Variants in JARID2 observed in about 807,000 individuals in gnomAD.
The protein encoded by JARID2 is protein Jumonji.
JARID2 carries 21 observed loss-of-function variants against 125.6 expected under a neutral mutation model. That is an observed-to-expected ratio of 0.17 (90% confidence interval 0.12 to 0.24). The LOEUF is 0.24. Among genes scored for constraint, JARID2 ranks in the 10% least tolerant of loss-of-function variants. The pLI is 1.00. For synonymous variants in JARID2, 736 were observed against 661.6 expected, an observed-to-expected ratio of 1.11 and a Z score of -1.73; for missense variants, 1,303 against 1,639.6, an observed-to-expected ratio of 0.79 and a Z score of 3.55.
chr6:15,513,504 G>A (rs1035118021), intron 16 of JARID2, 82 bp downstream of exon 16: 3 of 1,339,742 alleles, frequency 2.2e-6, no homozygotes, highest in East Asian at 4.8e-5. Flanking sequence ...AAGAGGGAGG[G>A]CGCTCTCTGC....
intron 1 of JARID2, among the ~76,000 whole-genome samples, chr6:15,305,872 A>G (rs1037849468): frequency 4.6e-5 from 7 of 152,218 alleles, no homozygotes; most frequent in Admixed American, 6.5e-5. Flanking sequence ...GGAGTTCACT[A>G]TATCTTTAGG....
At chr6:15,283,439 C>T (rs1760859920) in intron 1 of JARID2, among the ~76,000 whole-genome samples, 1 of 147,420 alleles carries the variant, frequency 6.8e-6, no homozygotes, top group Non-Finnish European at 1.5e-5. Context: ...CTCCTGGGTT[C>T]ATGCCATTCT....
intron 1 of JARID2, among the ~76,000 whole-genome samples, chr6:15,297,384 A>AT (rs1250631050): frequency 1.8e-4 from 28 of 151,588 alleles, no homozygotes; most frequent in African/African-American, 6.5e-4. Flanking sequence ...TCCTGACCTC[A>AT]TGATCTACCC....
intron 1 of JARID2, among the ~76,000 whole-genome samples, chr6:15,286,144 G>A (rs557822712): frequency 6.6e-6 from 1 of 152,234 alleles, no homozygotes; most frequent in East Asian, 1.9e-4. Context: ...TGGGTGAGTG[G>A]CTAAGTAAGT....
At chr6:15,288,264 T>C (rs60743931) in intron 1 of JARID2, among the ~76,000 whole-genome samples, 5,559 of 139,584 alleles carry the variant, frequency 0.04, 355 homozygotes, top group African/African-American at 0.14. Context: ...TGGCAGAAGG[T>C]GGGAGGGGTG....
intron 17 of JARID2, 56 bp from the exon 18 acceptor site, chr6:15,519,995 CCTGCATGGCTCTCAGGGA>C: frequency 3.7e-6 from 5 of 1,348,338 alleles, no homozygotes; most frequent in Non-Finnish European, 4.0e-6. Context: ...TAAACTTGCC[CCTGCATGGCTCTCAGGGA>C]CAGAGCTCTT....
chr6:15,476,969 G>T (rs1769373480), intron 5 of JARID2, among the ~76,000 whole-genome samples: 2 of 152,202 alleles, frequency 1.3e-5, no homozygotes, highest in South Asian at 2.1e-4. Flanking sequence ...CTTTGAGGAG[G>T]AGACCTTGGT....
At position 15,501,341 on chromosome 6, in the gene JARID2, A is replaced by C. The variant is rs777172906; in HGVS notation, c.2380A>C (p.Lys794Gln). The C allele has an allele frequency of 1.9e-6, 3 of 1,603,236 alleles. No individual in the cohort carries two copies. The African/African-American group carries it at 4.0e-5, about 22-fold the overall frequency. Residue 794 changes from lysine to glutamine, a missense_variant, in exon 8 of 18, where the codon AAA becomes CAA. By Grantham distance (53) the Lys-to-Gln change is moderately conservative (BLOSUM62 1). This residue lies in a region of JARID2 where 124 missense variants were observed against 131.0 expected (regional missense o/e 0.95). Transcript: ENST00000341776. ...CCGGCGGCGACTCTTCGCTCAGGAA[A>C]AAGAAGTGGTCAAGGAAGAGGAGGA... ...TGRRRLFAQE[K>Q]EVVKEEEEDK...
rs1407265128 is a variant in JARID2 at position 15,521,753 on chromosome 6, G to C, written c.*1502G>C. 1 of 152,246 alleles carries C rather than the reference G, an allele frequency of 6.6e-6. No homozygotes were observed. Among genetic ancestry groups the C allele is most frequent in the Non-Finnish European group, 1.5e-5 (1 of 68,054 alleles). 9.4% of individuals were successfully genotyped at this position (152,246 alleles called of 1,614,324 possible). On this transcript the variant is annotated 3_prime_UTR_variant, in exon 18 of 18. Transcript: ENST00000341776. ...ATCCACTTTGTTGGTTGTTGTTGCA[G>C]AAGACTGAACTGTTTTGGAATATTT...
chr6:15,268,466 A>G (rs550429383), intron 1 of JARID2, among the ~76,000 whole-genome samples: 3 of 151,850 alleles, frequency 2.0e-5, no homozygotes, highest in South Asian at 2.1e-4. Flanking sequence ...GCCTGGGGAG[A>G]TGGGGGTAAA....
At chr6:15,520,019 C>G in intron 17 of JARID2, 50 bp from the exon 18 acceptor site, 4 of 1,511,814 alleles carry the variant, frequency 2.6e-6, no homozygotes, top group Non-Finnish European at 3.6e-6. Context: ...AGGGACAGAG[C>G]TCTTGTTAAT....
intron 5 of JARID2, among the ~76,000 whole-genome samples, chr6:15,475,727 G>A (rs1201847889): frequency 6.6e-6 from 1 of 152,212 alleles, no homozygotes; most frequent in Non-Finnish European, 1.5e-5. Flanking sequence ...GGAAAGAACG[G>A]TTTGGATATA....
chr6:15,414,669 A>G (rs1766050528), intron 3 of JARID2, among the ~76,000 whole-genome samples: 1 of 152,108 alleles, frequency 6.6e-6, no homozygotes, highest in African/African-American at 2.4e-5. Context: ...AGATGAGTGG[A>G]GATTCTGTGC....
intron 3 of JARID2, among the ~76,000 whole-genome samples, chr6:15,424,330 CAGG>C (rs1766630897): frequency 1.3e-5 from 2 of 152,092 alleles, no homozygotes; most frequent in East Asian, 1.9e-4. Context: ...TGATTTACAC[CAGG>C]AGGAGTTCTC....
At chr6:15,336,832 G>A (rs577372300) in intron 1 of JARID2, among the ~76,000 whole-genome samples, 2 of 152,200 alleles carry the variant, frequency 1.3e-5, no homozygotes, top group African/African-American at 2.4e-5. Flanking sequence ...ACCTGTGCGA[G>A]CCACTGTATT....
chr6:15,460,467 T>C (rs1265119808), intron 4 of JARID2, among the ~76,000 whole-genome samples: 1 of 152,168 alleles, frequency 6.6e-6, no homozygotes, highest in African/African-American at 2.4e-5. Context: ...GAAATCCACT[T>C]AGAGAACATG....
In JARID2 at chr6:15,392,881, C is replaced by T. The variant is rs141689539; in HGVS notation, c.182-17343C>T. Among the ~76,000 whole-genome samples the T allele has an allele frequency of 7.5e-3, 1,136 of 152,082 alleles. 15 individuals carry two copies. The highest frequency in any genetic ancestry group is 0.026 in the African/African-American group (1,077 of 41,462). On this transcript the variant is annotated intron_variant, in intron 2 of 17. Transcript: ENST00000341776. ...TGTATTTTTAGTAGAGATGGGGTTTCACCATGTTGGCCAGACTGGTCTCGA... is the reference window on the plus strand; with the variant it reads ...TGTATTTTTAGTAGAGATGGGGTTTTACCATGTTGGCCAGACTGGTCTCGA...
intron 1 of JARID2, among the ~76,000 whole-genome samples, chr6:15,283,626 G>A (rs933577202): frequency 4.2e-4 from 64 of 151,846 alleles, no homozygotes; most frequent in African/African-American, 1.5e-3. Flanking sequence ...ACAGGCGTGA[G>A]CCACCGTGCC....
At chr6:15,413,179 C>T (rs1018357968) in intron 3 of JARID2, among the ~76,000 whole-genome samples, 1 of 151,718 alleles carries the variant, frequency 6.6e-6, no homozygotes, top group Non-Finnish European at 1.5e-5. Flanking sequence ...GCCACTATGC[C>T]CGGCTAATTT....
Sources: allele counts gnomAD v4.1 joint callset (sites outside exome capture counted in the v4.1 genomes callset), GRCh38; gene constraint gnomAD v4.1.1; regional missense constraint gnomAD v4.1.1; transcripts MANE v1.5; gene names NCBI Gene and HGNC (gene_info 2026-07-23, HGNC 2026-07-21).